The following CXorf38 variants were observed in gnomAD, a reference collection of about 807,000 sequenced individuals.
CXorf38 encodes chromosome X open reading frame 38.
A neutral mutation model predicts 27.5 loss-of-function variants in CXorf38; 13 were observed. The ratio of observed to expected loss-of-function variants is 0.47; its 90% confidence interval spans 0.31 to 0.75. The LOEUF is 0.75. CXorf38 is among the 30% of genes least tolerant of loss of function. The pLI is 0.05. For missense variants in CXorf38, 240 were observed against 253.2 expected, an observed-to-expected ratio of 0.95 and a Z score of 0.35; for synonymous variants, 100 against 99.8, an observed-to-expected ratio of 1.00 and a Z score of -0.01.
At position 40,627,383 on chromosome X, in the gene CXorf38, G is replaced by A. The variant is rs1194612995; in HGVS notation, c.*2781C>T. ...TTTTTGTAGTTTTAGTAGAGACAGC[G>A]TTTCGCCACATTGGCCAGGTTGGTC... On this transcript the variant is annotated 3_prime_UTR_variant, in exon 7 of 7. Transcript: ENST00000327877. 2 of 111,994 alleles carry A rather than the reference G, an allele frequency of 1.8e-5. No homozygotes were observed. Among genetic ancestry groups the A allele is most frequent in the African/African-American group, 3.3e-5 (1 of 30,760 alleles). 9.2% of individuals were successfully genotyped at this position (111,994 alleles called of 1,213,427 possible).
intron 5 of CXorf38, among the ~76,000 whole-genome samples, chrX:40,632,763 C>T (rs1489270384): frequency 9.0e-6 from 1 of 111,513 alleles, no homozygotes; most frequent in Non-Finnish European, 1.9e-5. Context: ...GTGACTTTGG[C>T]CAAGACATCT....
chrX:40,640,950 A>AAG (rs1555983514), intron 2 of CXorf38, among the ~76,000 whole-genome samples: 1 of 108,573 alleles, frequency 9.2e-6, no homozygotes, highest in East Asian at 2.8e-4. Flanking sequence ...AAAAAAAAAA[A>AAG]AAAAAAAAAG....
intron 2 of CXorf38, among the ~76,000 whole-genome samples, chrX:40,646,197 C>T (rs1199171716): frequency 2.0e-3 from 3 of 1,511 alleles, no homozygotes; most frequent in Admixed American, 6.8e-3. Context: ...CCGCCCGCCT[C>T]GGCCTCCCAA....
chrX:40,643,839 G>A (rs867559302), intron 2 of CXorf38, among the ~76,000 whole-genome samples: 2 of 111,999 alleles, frequency 1.8e-5, no homozygotes, highest in South Asian at 3.7e-4. Context: ...GAGTCTAAAT[G>A]GAATTTATAT....
intron 2 of CXorf38, among the ~76,000 whole-genome samples, chrX:40,643,109 A>T (rs2146585720): frequency 9.2e-6 from 1 of 108,277 alleles, no homozygotes; most frequent in Non-Finnish European, 1.9e-5. Context: ...TTTTGTGGAG[A>T]CAGTTATGGG....
intron 5 of CXorf38, among the ~76,000 whole-genome samples, chrX:40,632,158 C>T (rs766532021): frequency 8.9e-6 from 1 of 111,952 alleles, no homozygotes; most frequent in African/African-American, 3.2e-5. Flanking sequence ...ACCTCAGGGT[C>T]TTCCTGAGGC....
At position 40,647,496 on chromosome X, in the gene CXorf38, G is replaced by C. The variant is rs749374090; in HGVS notation, c.25C>G (p.Arg9Gly). The C allele has an allele frequency of 2.5e-5, 30 of 1,186,163 alleles. No homozygotes were observed. The highest frequency in any genetic ancestry group is 3.4e-5 in the Non-Finnish European group (30 of 886,585). ...TTCTTGTACTCGGCGCAGTTGAGGC[G>C]CGCCGCTAGCTCCGACAGCACCATG... Reference protein sequence around the residue: MVLSELAARLNCAEYKNWV... With the variant: MVLSELAAGLNCAEYKNWV... Residue 9 changes from arginine (R) to glycine (G), a missense_variant, in exon 1 of 7, where the codon CGC becomes GGC. Physicochemically the swap from Arg to Gly is moderately radical, Grantham distance 125. Transcript: ENST00000327877.
In CXorf38 at chrX:40,627,460, G is replaced by C. The variant is rs1927575826; in HGVS notation, c.*2704C>G. 8.9e-6 allele frequency: 1 copy of C among 112,493 alleles called. No individual in the cohort carries two copies. Among genetic ancestry groups the C allele is most frequent in the Non-Finnish European group, 1.9e-5 (1 of 53,325 alleles). 9.3% of individuals were successfully genotyped at this position (112,493 alleles called of 1,213,427 possible). ...CCCTACTCAGCCTCCCAAAGTGCTGGGATTACAGGCGCGAGTCACTGCGCC... is the reference window on the plus strand; with the variant it reads ...CCCTACTCAGCCTCCCAAAGTGCTGCGATTACAGGCGCGAGTCACTGCGCC... On this transcript the variant is annotated 3_prime_UTR_variant, in exon 7 of 7. Transcript: ENST00000327877.
At chrX:40,636,869 T>C (rs938984207) in intron 4 of CXorf38, 138 bp downstream of exon 4, 2 of 801,902 alleles carry the variant, frequency 2.5e-6, no homozygotes, top group African/African-American at 4.1e-5. Context: ...AATTACAGAT[T>C]TCATATTGGC....
At chrX:40,638,274 G>A (rs5963824) in intron 3 of CXorf38, among the ~76,000 whole-genome samples, 2,198 of 112,146 alleles carry the variant, frequency 0.02, 49 homozygotes, top group African/African-American at 0.068. Context: ...CAACTACTAT[G>A]ACAGTTCTTT....
chrX:40,640,939 C>A (rs868765479), intron 2 of CXorf38, among the ~76,000 whole-genome samples: 570 of 50,947 alleles, frequency 0.011, no homozygotes, highest in African/African-American at 0.014. Flanking sequence ...GACTCTGTCT[C>A]AAAAAAAAAA....
At chrX:40,637,213 A>T in intron 3 of CXorf38, 57 bp from the exon 4 acceptor site, 2 of 870,516 alleles carry the variant, frequency 2.3e-6, no homozygotes, top group Non-Finnish European at 3.2e-6. Context: ...GTAAACTGAG[A>T]TCTTTCACTC....
chrX:40,647,088 A>T lies in CXorf38; in HGVS notation c.270T>A (p.His90Gln). The change falls in exon 2 of 7, where the codon CAT (histidine) becomes CAA (glutamine). Residue 90 changes from histidine to glutamine, a missense_variant. Transcript: ENST00000327877. ...CAEWKREILR[H>Q]HVNRNGDVHW... is the part of the protein sequence containing the mutation. Reference sequence around the variant, plus strand: ...GCACATCTCCATTTCTGTTGACATGATGTCTCAAAATCTCCCTTTTCCATT... The same window carrying T: ...GCACATCTCCATTTCTGTTGACATGTTGTCTCAAAATCTCCCTTTTCCATT... 2.5e-6 allele frequency: 3 copies of T among 1,211,776 alleles called. No individual in the cohort carries two copies. The highest frequency in any genetic ancestry group is 3.4e-6 in the Non-Finnish European group (3 of 895,313).
intron 2 of CXorf38, among the ~76,000 whole-genome samples, chrX:40,645,226 T>G (rs148543952): frequency 9.0e-6 from 1 of 111,242 alleles, no homozygotes; most frequent in East Asian, 2.8e-4. Flanking sequence ...ACACTGAGAC[T>G]TTCTGTGCCA....
chrX:40,635,310 G>A (rs775702142), intron 5 of CXorf38, among the ~76,000 whole-genome samples: 4 of 113,312 alleles, frequency 3.5e-5, no homozygotes, highest in Non-Finnish European at 7.5e-5. Flanking sequence ...GGGGTACCAA[G>A]CCCTTGTGCT....
At chrX:40,644,438 C>T (rs980115693) in intron 2 of CXorf38, among the ~76,000 whole-genome samples, 1 of 112,030 alleles carries the variant, frequency 8.9e-6, no homozygotes, top group African/African-American at 3.3e-5. Flanking sequence ...GAAGTATAGT[C>T]AGCCCTCCAT....
intron 5 of CXorf38, among the ~76,000 whole-genome samples, chrX:40,631,604 C>G (rs986868374): frequency 9.0e-6 from 1 of 111,610 alleles, no homozygotes; most frequent in Non-Finnish European, 1.9e-5. Flanking sequence ...CTGTGCCCAG[C>G]GATGAATGCT....
intron 5 of CXorf38, among the ~76,000 whole-genome samples, chrX:40,631,107 C>T (rs761589477): frequency 1.8e-5 from 2 of 110,103 alleles, no homozygotes; most frequent in East Asian, 2.9e-4. Flanking sequence ...CATACACACC[C>T]GTGTGTGTGT....
rs773309773 is a variant in CXorf38 at position 40,642,466 on chromosome X, A to C, written c.352-3338T>G. 2.7e-5 allele frequency among the ~76,000 whole-genome samples: 3 copies of C among 111,608 alleles called. No homozygotes were observed. In the East Asian group the frequency reaches 8.5e-4, roughly 32 times the overall value. Reference sequence around the variant, plus strand: ...AGAAGAGGCCTGGCCCTGAGTCCTGAGGAAGGCCAAAAGACATTCAGAAGG... The same window carrying C: ...AGAAGAGGCCTGGCCCTGAGTCCTGCGGAAGGCCAAAAGACATTCAGAAGG... On this transcript the variant is annotated intron_variant, in intron 2 of 6. Transcript: ENST00000327877.
Sources: gnomAD v4.1 joint callset for allele counts (sites outside exome capture counted in the v4.1 genomes callset) on GRCh38, gnomAD v4.1.1 for gene constraint, MANE v1.5 for transcripts, NCBI Gene and HGNC (gene_info 2026-07-23, HGNC 2026-07-21) for gene names.